The following ZNF334 variants were observed in gnomAD, a reference collection of about 807,000 sequenced individuals.
ZNF334 encodes zinc finger protein 334.
ZNF334 carries 14 observed loss-of-function variants against 12.4 expected under a neutral mutation model. The observed-to-expected ratio is 1.13, with a 90% CI of 0.74 to 1.76. The LOEUF is 1.76. Among genes scored for constraint, ZNF334 ranks in the 40% most tolerant of loss-of-function variants. The pLI, the probability that ZNF334 is intolerant of heterozygous loss-of-function variation, is 0.00. For synonymous variants in ZNF334, 273 were observed against 269.6 expected (o/e 1.01, Z -0.12); for missense variants, 797 against 804.5 (o/e 0.99, Z 0.11).
At chr20:46,482,139 A>G in the ZNF334 span, among the ~76,000 whole-genome samples, 17 of 152,232 alleles carry the variant, frequency 1.1e-4, no homozygotes, top group African/African-American at 4.1e-4. Flanking sequence ...AGCCTGCAGC[A>G]GGGACACAGC....
the ZNF334 span, among the ~76,000 whole-genome samples, chr20:46,486,354 C>T: frequency 2.0e-5 from 3 of 152,148 alleles, no homozygotes; most frequent in Non-Finnish European, 4.4e-5. Context: ...GCAGAGGTTA[C>T]AGTGAGCCAA....
At chr20:46,465,384 TATG>T in the ZNF334 span, 1 of 155,082 alleles carries the variant, frequency 6.4e-6, no homozygotes, top group Non-Finnish European at 1.4e-5. Flanking sequence ...CCGATGATGA[TATG>T]ATAATAATAA....
rs759549258 is a variant in ZNF334 at position 46,501,967 on chromosome 20, TTCCTC to T, written c.1367_1371del (p.Arg456LysfsTer5). ...CATTCATTACATTCATAAGACTTCT[TTCCTC>T]TATGAGTTATCTGATGTGCAATGAG... is the stretch of plus-strand genomic sequence containing the variant. On this transcript the variant is annotated frameshift_variant, in exon 5 of 5. Coordinates refer to ENST00000692313, the MANE Select transcript of ZNF334 (RefSeq NM_001353824.2). LOFTEE classifies it low-confidence loss of function (END_TRUNC). 10 of 1,613,926 alleles carry T rather than the reference TTCCTC, an allele frequency of 6.2e-6. No individual in the cohort carries two copies. The South Asian group carries it at 7.7e-5, about 12-fold the overall frequency.
Position 46,504,757 on chromosome 20 carries a change from A to C in ZNF334, c.22-17T>G, listed in dbSNP as rs2061372998. On this transcript the variant is annotated splice_polypyrimidine_tract_variant and intron_variant, in intron 2 of 4. Coordinates refer to ENST00000692313, the MANE Select transcript of ZNF334 (RefSeq NM_001353824.2). ...AACTGGTATCTGAAAGAAAATGTTT[A>C]ATCTTGGGTGACCAAAATTGAGTGA... is the stretch of plus-strand genomic sequence containing the variant. The C allele has an allele frequency of 6.3e-7, 1 of 1,587,010 alleles. No homozygotes were observed. The highest frequency in any genetic ancestry group is 1.8e-5 in the Admixed American group (1 of 54,794).
chr20:46,509,332 C>T (rs2061557151), intron 2 of ZNF334, among the ~76,000 whole-genome samples: 1 of 152,100 alleles, frequency 6.6e-6, no homozygotes. Context: ...ACTTGGTCTG[C>T]ATCATTCCAT....
Position 46,500,964 on chromosome 20 carries a change from ACACTAT to A in ZNF334, c.*326_*331del, listed in dbSNP as rs1336571906. 1 of 241,204 alleles carries A rather than the reference ACACTAT, an allele frequency of 4.1e-6. No homozygotes were observed. The highest frequency in any genetic ancestry group is 8.1e-6 in the Non-Finnish European group (1 of 124,012). 14.9% of individuals were successfully genotyped at this position (241,204 alleles called of 1,614,324 possible). A position where few individuals can be genotyped will look rare whatever the true frequency, so the allele number is the denominator to read the frequency against. ...GTCAGATCCTCACACCTCGTAACAT[ACACTAT>A]CAAGTAACACTGTGGGGAGGAACCA... On this transcript the variant is annotated 3_prime_UTR_variant, in exon 5 of 5. Coordinates refer to ENST00000692313, the MANE Select transcript of ZNF334 (RefSeq NM_001353824.2).
At chr20:46,482,114 T>C in the ZNF334 span, among the ~76,000 whole-genome samples, 5 of 152,144 alleles carry the variant, frequency 3.3e-5, no homozygotes, top group Non-Finnish European at 7.4e-5. Flanking sequence ...AGTTGAGGAA[T>C]CAGATTCTTC....
intron 2 of ZNF334, among the ~76,000 whole-genome samples, chr20:46,510,758 A>AAAAAAAACCCATTTC (rs1491588522): frequency 6.1e-5 from 2 of 32,734 alleles, no homozygotes; most frequent in Non-Finnish European, 1.4e-4. Flanking sequence ...AGCCCATTTC[A>AAAAAAAACCCATTTC]AAAAAAAAAA....
the ZNF334 span, among the ~76,000 whole-genome samples, chr20:46,473,551 T>C: frequency 6.6e-6 from 1 of 152,260 alleles, no homozygotes; most frequent in South Asian, 2.1e-4. Context: ...TATCCTTTTA[T>C]TTCCTTCAGT....
rs143197456 is a variant in ZNF334 at position 46,501,681 on chromosome 20, T to C, written c.1658A>G (p.Tyr553Cys). The C allele has an allele frequency of 1.2e-6, 2 of 1,613,824 alleles. No individual in the cohort carries two copies. Among genetic ancestry groups the C allele is most frequent in the East Asian group, 2.2e-5 (1 of 44,846 alleles). ...GTGAGTCAGGGCTGACTTCCTGCAG[T>C]AGGTTCTCCCACATTCATTGCATTC... ...PYECNECGRT[Y>C]CRKSALTHHQ... Residue 553 changes from tyrosine (Y) to cysteine (C), a missense_variant, in exon 5 of 5, where the codon TAC (tyrosine) becomes TGC (cysteine). Transcript: ENST00000692313.
the ZNF334 span, among the ~76,000 whole-genome samples, chr20:46,482,744 A>G: frequency 6.6e-6 from 1 of 152,150 alleles, no homozygotes; most frequent in Admixed American, 6.5e-5. Context: ...ACAGGGGAAT[A>G]TGTCTATATT....
the ZNF334 span, among the ~76,000 whole-genome samples, chr20:46,470,145 A>G: frequency 6.6e-6 from 1 of 152,246 alleles, no homozygotes; most frequent in Non-Finnish European, 1.5e-5. Context: ...AGAGAAAGAA[A>G]CTAGGGCCAA....
intron 2 of ZNF334, among the ~76,000 whole-genome samples, chr20:46,507,056 G>A (rs781636483): frequency 4.6e-5 from 7 of 151,862 alleles, no homozygotes; most frequent in Non-Finnish European, 1.0e-4. Flanking sequence ...CAAGACTTTA[G>A]TGAGCTATGA....
At chr20:46,505,942 C>A (rs1174479563) in intron 2 of ZNF334, 1 of 156,870 alleles carries the variant, frequency 6.4e-6, no homozygotes, top group Non-Finnish European at 1.4e-5. Flanking sequence ...ATCAGTCCTA[C>A]ATAACGGGAG....
chr20:46,506,625 A>C, intron 2 of ZNF334: 1 of 324,622 alleles, frequency 3.1e-6, no homozygotes, highest in Admixed American at 4.9e-5. Flanking sequence ...TCTCAAAAAA[A>C]CAAAAAAACC....
chr20:46,484,809 A>G, the ZNF334 span, among the ~76,000 whole-genome samples: 3 of 152,188 alleles, frequency 2.0e-5, no homozygotes, highest in African/African-American at 7.2e-5. Flanking sequence ...CTCCAAAACT[A>G]TAGTCTGAGG....
chr20:46,464,581 C>G, the ZNF334 span: 1 of 412,648 alleles, frequency 2.4e-6, no homozygotes, highest in Admixed American at 3.1e-5. Context: ...CTCTGGGCAG[C>G]ATCCATTGGA....
chr20:46,465,848 A>G, the ZNF334 span, among the ~76,000 whole-genome samples: 1 of 151,994 alleles, frequency 6.6e-6, no homozygotes, highest in Non-Finnish European at 1.5e-5. Context: ...CCAGCTACTC[A>G]GGAACCTGAG....
chr20:46,463,677 C>T, the ZNF334 span: 2 of 217,576 alleles, frequency 9.2e-6, no homozygotes, highest in Non-Finnish European at 1.9e-5. Context: ...ACACTAACTT[C>T]AGGATTTATT....
Sources: allele counts gnomAD v4.1 joint callset (sites outside exome capture counted in the v4.1 genomes callset), GRCh38; gene constraint gnomAD v4.1.1; transcripts MANE v1.5; gene names NCBI Gene and HGNC (gene_info 2026-07-23, HGNC 2026-07-21).